Variants in KCNG3 observed in about 807,000 individuals in gnomAD.
KCNG3 encodes the protein potassium voltage-gated channel modifier subfamily G member 3.
Under a neutral mutation model 29.0 loss-of-function variants are expected in KCNG3, and 15 were observed. The ratio of observed to expected loss-of-function variants is 0.52; its 90% CI spans 0.35 to 0.80. The LOEUF (loss-of-function observed/expected upper bound fraction) is 0.80, where lower values mean the gene tolerates loss of function less well. Among genes scored for constraint, KCNG3 ranks in the 30% least tolerant of loss-of-function variants. The pLI is 0.01. For missense variants in KCNG3, 512 were observed against 605.7 expected (o/e 0.85, Z 1.62); for synonymous variants, 322 against 248.9 (o/e 1.29, Z -2.76).
chr2:42,430,929 G>T, the KCNG3 span, among the ~76,000 whole-genome samples: 7 of 151,946 alleles, frequency 4.6e-5, no homozygotes, highest in African/African-American at 1.5e-4. Flanking sequence ...GACCAACATG[G>T]TGAAACCCTG....
chr2:42,472,320 C>T (rs1673309885), intron 1 of KCNG3, among the ~76,000 whole-genome samples: 1 of 152,168 alleles, frequency 6.6e-6, no homozygotes. Flanking sequence ...AAGCTCTGGA[C>T]TCCATTGATT....
chr2:42,405,025 T>TCCAACCAAATCTCACACAACTGCAG, the KCNG3 span, among the ~76,000 whole-genome samples: 4 of 152,222 alleles, frequency 2.6e-5, no homozygotes, highest in African/African-American at 9.7e-5. Context: ...CTTCCCTTCT[T>TCCAACCAAATCTCACACAACTGCAG]CCAACCAAAT....
chr2:42,468,896 G>C (rs1572854509), intron 1 of KCNG3, among the ~76,000 whole-genome samples: 1 of 128,368 alleles, frequency 7.8e-6, no homozygotes, highest in East Asian at 2.5e-4. Context: ...GGAGGTTTCA[G>C]TGAGTCGAGA....
At chr2:42,412,363 G>C in the KCNG3 span, among the ~76,000 whole-genome samples, 2 of 152,166 alleles carry the variant, frequency 1.3e-5, no homozygotes, top group Admixed American at 6.5e-5. Context: ...TTTTGTACTT[G>C]AAATTCTTGG....
At chr2:42,401,184 G>A in the KCNG3 span, among the ~76,000 whole-genome samples, 3 of 148,276 alleles carry the variant, frequency 2.0e-5, no homozygotes, top group Non-Finnish European at 4.5e-5. Flanking sequence ...ATGTTTATAT[G>A]TATACACACA....
In KCNG3 at chr2:42,478,190, T is replaced by C. The variant is rs572005132; in HGVS notation, c.665+14647A>G. ...AACTCCTGAGGATCTAAAGGAGCTT[T>C]TGTTTTATGTAAATTACATCTATCT... On this transcript the variant is annotated intron_variant, in intron 1 of 1. Transcript: ENST00000306078. Among the ~76,000 whole-genome samples the C allele has an allele frequency of 1.9e-4, 29 of 152,292 alleles. No homozygotes were observed. The East Asian group carries it at 5.6e-3, about 29-fold the overall frequency.
chr2:42,394,924 C>T, the KCNG3 span, among the ~76,000 whole-genome samples: 5 of 152,156 alleles, frequency 3.3e-5, no homozygotes, highest in Non-Finnish European at 7.3e-5. Flanking sequence ...CCAGAAACTC[C>T]AAATTCTCCT....
chr2:42,492,136 A>C lies in KCNG3; in HGVS notation c.665+701T>G, dbSNP rs566616646. Among the ~76,000 whole-genome samples the C allele has an allele frequency of 9.3e-4, 142 of 152,344 alleles. 1 individual carries two copies. The highest frequency in any genetic ancestry group is 3.3e-3 in the African/African-American group (137 of 41,578). Reference sequence around the variant, plus strand: ...CTGTTTTCTGGATTTAGGACAGTTTAGATTTTTCTTTGTTCTCAAGGTAAT... The same window carrying C: ...CTGTTTTCTGGATTTAGGACAGTTTCGATTTTTCTTTGTTCTCAAGGTAAT... On this transcript the variant is annotated intron_variant, in intron 1 of 1. Transcript: ENST00000306078.
chr2:42,414,177 G>C, the KCNG3 span, among the ~76,000 whole-genome samples: 740 of 152,012 alleles, frequency 4.9e-3, 5 homozygotes, highest in African/African-American at 0.016. Flanking sequence ...ACCTTTTCTT[G>C]TGGCATCATG....
chr2:42,445,776 G>C (rs886207249), intron 1 of KCNG3, among the ~76,000 whole-genome samples: 2 of 152,006 alleles, frequency 1.3e-5, no homozygotes, highest in Non-Finnish European at 2.9e-5. Flanking sequence ...GCCCAGGCTG[G>C]AGTGCAGTGG....
chr2:42,466,101 A>C (rs1240766275), intron 1 of KCNG3, among the ~76,000 whole-genome samples: 2 of 152,138 alleles, frequency 1.3e-5, no homozygotes, highest in Non-Finnish European at 2.9e-5. Context: ...TTCTCTGTTT[A>C]GGTATGTTTA....
chr2:42,403,555 C>G, the KCNG3 span, among the ~76,000 whole-genome samples: 2 of 147,112 alleles, frequency 1.4e-5, no homozygotes, highest in African/African-American at 5.0e-5. Context: ...TCTCAGCTCA[C>G]TGCAACCTCT....
intron 1 of KCNG3, among the ~76,000 whole-genome samples, chr2:42,452,466 T>C (rs1465150091): frequency 6.6e-6 from 1 of 151,848 alleles, no homozygotes; most frequent in Non-Finnish European, 1.5e-5. Flanking sequence ...GTCTCACTCA[T>C]TCTTTCTAAC....
the KCNG3 span, among the ~76,000 whole-genome samples, chr2:42,403,612 C>CTTTT: frequency 7.6e-6 from 1 of 130,830 alleles, no homozygotes; most frequent in African/African-American, 3.1e-5. Flanking sequence ...CTCTACGTGA[C>CTTTT]TTTTTTTTCT....
In KCNG3 at chr2:42,444,701, G is replaced by T; in HGVS notation, c.666-122C>A. The T allele has an allele frequency of 1.1e-6, 1 of 873,426 alleles. No homozygotes were observed. The highest frequency in any genetic ancestry group is 1.7e-6 in the Non-Finnish European group (1 of 574,542). 54.1% of individuals were successfully genotyped at this position (873,426 alleles called of 1,614,324 possible). On this transcript the variant is annotated intron_variant, in intron 1 of 1. Coordinates refer to ENST00000306078, the MANE Select transcript of KCNG3 (RefSeq NM_133329.6). The surrounding 1 kb of genome is among the most constrained non-coding windows in gnomAD (Gnocchi z 5.8). ...CAGTTACTTTTCCAGAAAACATAAA[G>T]AACAGACAACATTAGCAACATCATC...
chr2:42,428,591 G>T, the KCNG3 span, among the ~76,000 whole-genome samples: 3 of 151,770 alleles, frequency 2.0e-5, no homozygotes, highest in African/African-American at 7.3e-5. Context: ...AAGCACTCTA[G>T]AAAAATGTTC....
chr2:42,439,869 CTGATTTCAGG>C (rs1672437293), downstream of KCNG3, among the ~76,000 whole-genome samples: 1 of 151,908 alleles, frequency 6.6e-6, no homozygotes, highest in Admixed American at 6.6e-5. Context: ...TCTCGAACTC[CTGATTTCAGG>C]TGATCCACCC....
At chr2:42,445,395 C>T (rs1028284579) in intron 1 of KCNG3, among the ~76,000 whole-genome samples, 1 of 152,100 alleles carries the variant, frequency 6.6e-6, no homozygotes, top group East Asian at 1.9e-4. Context: ...AAACGTGAAT[C>T]GTCCTTCCTT....
At chr2:42,449,914 A>G (rs1672707439) in intron 1 of KCNG3, among the ~76,000 whole-genome samples, 1 of 151,992 alleles carries the variant, frequency 6.6e-6, no homozygotes, top group African/African-American at 2.4e-5. Flanking sequence ...CAGCTAACAT[A>G]CTCTGTCTCT....
Sources: allele counts gnomAD v4.1 joint callset (sites outside exome capture counted in the v4.1 genomes callset), GRCh38; gene constraint gnomAD v4.1.1; non-coding constraint Gnocchi (gnomAD v3.1); transcripts MANE v1.5; gene names NCBI Gene and HGNC (gene_info 2026-07-23, HGNC 2026-07-21).